The following FSTL5 variants were observed in gnomAD, a reference collection of about 807,000 sequenced individuals.
FSTL5 encodes the protein follistatin-related protein 5.
A neutral mutation model predicts 89.1 loss-of-function variants in FSTL5; 62 were observed. The ratio of observed to expected loss-of-function variants is 0.70; its 90% CI spans 0.57 to 0.86. The LOEUF is 0.86. FSTL5 is among the 40% of genes least tolerant of loss of function. The pLI is 0.00. For synonymous variants in FSTL5, 383 were observed against 346.2 expected (o/e 1.11, Z -1.18); for missense variants, 1,057 against 1,001.6 (o/e 1.06, Z -0.75).
Position 161,386,465 on chromosome 4 carries a change from A to G in FSTL5, c.1842-16T>C, listed in dbSNP as rs1730650211. The G allele has an allele frequency of 6.4e-7, 1 of 1,563,880 alleles. No homozygotes were observed. Among genetic ancestry groups the G allele is most frequent in the Non-Finnish European group, 8.7e-7 (1 of 1,147,768 alleles). On this transcript the variant is annotated splice_polypyrimidine_tract_variant and intron_variant, in intron 15 of 15. Transcript: ENST00000306100. ...AAATCCAAACCTGAAAAAAATGAAA[A>G]TCAGAGTTAGACAGGAAGCAATGGA... is the stretch of plus-strand genomic sequence containing the variant.
intron 3 of FSTL5, among the ~76,000 whole-genome samples, chr4:161,951,550 G>A (rs527660667): frequency 1.3e-5 from 2 of 152,082 alleles, no homozygotes; most frequent in Middle Eastern, 3.4e-3. Flanking sequence ...TATTTGCAAC[G>A]TTCTACATCT....
At chr4:162,162,986 C>A (rs1262532395) in intron 1 of FSTL5, among the ~76,000 whole-genome samples, 1 of 152,144 alleles carries the variant, frequency 6.6e-6, no homozygotes, top group Non-Finnish European at 1.5e-5. Context: ...ATACACATGA[C>A]CTTGGGGTGT....
chr4:161,451,310 G>T (rs1308347516), intron 15 of FSTL5, among the ~76,000 whole-genome samples: 1 of 151,986 alleles, frequency 6.6e-6, no homozygotes, highest in African/African-American at 2.4e-5. Flanking sequence ...GTCTTAAATG[G>T]TATTCTTAAA....
intron 6 of FSTL5, among the ~76,000 whole-genome samples, chr4:161,681,766 G>T (rs1357783193): frequency 6.6e-6 from 1 of 151,916 alleles, no homozygotes; most frequent in Non-Finnish European, 1.5e-5. Context: ...AAATTGAAAG[G>T]TTAAATTTTA....
At chr4:161,677,794 T>A (rs12331170) in intron 6 of FSTL5, among the ~76,000 whole-genome samples, 6 of 151,872 alleles carry the variant, frequency 4.0e-5, no homozygotes, top group African/African-American at 1.5e-4. Context: ...AATAAATAGA[T>A]CTTTCAAACT....
chr4:161,651,826 T>C (rs1395950732), intron 7 of FSTL5, among the ~76,000 whole-genome samples: 3 of 152,232 alleles, frequency 2.0e-5, no homozygotes, highest in Non-Finnish European at 2.9e-5. Context: ...AATGTCATAA[T>C]GGCTCCTGCA....
At chr4:161,465,336 A>T (rs879397479) in intron 13 of FSTL5, among the ~76,000 whole-genome samples, 8 of 152,182 alleles carry the variant, frequency 5.3e-5, no homozygotes, top group Non-Finnish European at 1.2e-4. Context: ...TTAATTTAGG[A>T]AAAATGACAT....
At chr4:161,437,355 A>G (rs1288897968) in intron 15 of FSTL5, among the ~76,000 whole-genome samples, 5 of 152,032 alleles carry the variant, frequency 3.3e-5, no homozygotes, top group African/African-American at 1.2e-4. Flanking sequence ...TTACGAGGTC[A>G]GGAGATCGAG....
intron 4 of FSTL5, among the ~76,000 whole-genome samples, chr4:161,805,161 C>T (rs997057962): frequency 2.0e-5 from 3 of 152,080 alleles, no homozygotes; most frequent in Non-Finnish European, 4.4e-5. Flanking sequence ...TTTCTTTATA[C>T]CGAGGGCATT....
At chr4:161,977,940 T>A (rs992658986) in intron 3 of FSTL5, among the ~76,000 whole-genome samples, 6 of 152,168 alleles carry the variant, frequency 3.9e-5, no homozygotes, top group Non-Finnish European at 5.9e-5. Context: ...AATTACCATA[T>A]AAAATCTGCA....
chr4:162,055,039 T>A (rs1249247861), intron 2 of FSTL5, among the ~76,000 whole-genome samples: 1 of 151,940 alleles, frequency 6.6e-6, no homozygotes, highest in East Asian at 1.9e-4. Flanking sequence ...CTAGTTATTG[T>A]TTTTGTGGAT....
intron 15 of FSTL5, among the ~76,000 whole-genome samples, chr4:161,439,728 A>ACT (rs1732694003): frequency 2.6e-5 from 4 of 151,842 alleles, no homozygotes; most frequent in African/African-American, 9.7e-5. Context: ...ACACACACAC[A>ACT]CACACCCCAC....
intron 13 of FSTL5, among the ~76,000 whole-genome samples, chr4:161,465,918 A>G (rs906174486): frequency 2.0e-5 from 3 of 152,176 alleles, no homozygotes; most frequent in African/African-American, 7.2e-5. Context: ...CTTTCAAAAA[A>G]GTTTCGAATA....
chr4:161,547,132 G>A (rs1020575471), intron 8 of FSTL5, among the ~76,000 whole-genome samples: 2 of 152,000 alleles, frequency 1.3e-5, no homozygotes, highest in African/African-American at 2.4e-5. Context: ...ACAACAGCCA[G>A]CAAAAAACTA....
intron 7 of FSTL5, among the ~76,000 whole-genome samples, chr4:161,601,125 A>G (rs1734214819): frequency 6.6e-6 from 1 of 152,164 alleles, no homozygotes; most frequent in African/African-American, 2.4e-5. Flanking sequence ...ACAGACATAG[A>G]GAAGAGTCAC....
chr4:161,588,562 C>G (rs1211938540), intron 7 of FSTL5, among the ~76,000 whole-genome samples: 2 of 152,038 alleles, frequency 1.3e-5, no homozygotes, highest in African/African-American at 4.8e-5. Flanking sequence ...TAGCAAAGAC[C>G]AGAAAATTTT....
At chr4:161,862,773 T>G (rs1355863022) in intron 4 of FSTL5, among the ~76,000 whole-genome samples, 2 of 151,956 alleles carry the variant, frequency 1.3e-5, no homozygotes. Flanking sequence ...ATAAAGAACC[T>G]GGAAATCCTC....
At chr4:161,677,024 A>G (rs1560784503) in intron 6 of FSTL5, among the ~76,000 whole-genome samples, 1 of 152,074 alleles carries the variant, frequency 6.6e-6, no homozygotes, top group African/African-American at 2.4e-5. Context: ...ATGAATCTAT[A>G]TGTACAATTC....
intron 4 of FSTL5, among the ~76,000 whole-genome samples, chr4:161,784,372 T>C (rs1741803650): frequency 6.6e-6 from 1 of 152,094 alleles, no homozygotes; most frequent in Admixed American, 6.5e-5. Flanking sequence ...ATATGAAATA[T>C]ATATTTTTAT....
Sources: gnomAD v4.1 joint callset for allele counts (sites outside exome capture counted in the v4.1 genomes callset) on GRCh38, gnomAD v4.1.1 for gene constraint, MANE v1.5 for transcripts, NCBI Gene and HGNC (gene_info 2026-07-23, HGNC 2026-07-21) for gene names.